Variants in BICD2 observed in about 807,000 individuals in gnomAD.
BICD2 encodes the protein BICD cargo adaptor 2.
A neutral mutation model predicts 72.9 loss-of-function variants in BICD2; 25 were observed. That is an observed-to-expected ratio of 0.34 (90% confidence interval 0.25 to 0.48). The LOEUF is 0.48. BICD2 is among the 20% of genes least tolerant of loss of function. The pLI is 0.99. For missense variants in BICD2, 894 were observed against 1,175.2 expected, an observed-to-expected ratio of 0.76 and a Z score of 3.50; for synonymous variants, 501 against 516.1, an observed-to-expected ratio of 0.97 and a Z score of 0.40.
intron 1 of BICD2, among the ~76,000 whole-genome samples, chr9:92,758,631 A>G (rs1478849185): frequency 6.7e-6 from 1 of 150,374 alleles, no homozygotes; most frequent in East Asian, 2.0e-4. Context: ...CAGGCGGATC[A>G]CCTGAGGTCA....
intron 1 of BICD2, among the ~76,000 whole-genome samples, chr9:92,736,259 A>G (rs1853785696): frequency 6.6e-6 from 1 of 152,266 alleles, no homozygotes; most frequent in African/African-American, 2.4e-5. Flanking sequence ...CAAGATGGCA[A>G]GGAGAGTGAT....
chr9:92,736,536 C>A (rs1027724784), intron 1 of BICD2, among the ~76,000 whole-genome samples: 2 of 152,236 alleles, frequency 1.3e-5, no homozygotes, highest in African/African-American at 4.8e-5. Flanking sequence ...AGCATATAAT[C>A]AAGAAATAAC....
intron 1 of BICD2, among the ~76,000 whole-genome samples, chr9:92,748,951 C>T (rs2131528570): frequency 6.6e-6 from 1 of 152,122 alleles, no homozygotes; most frequent in African/African-American, 2.4e-5. Flanking sequence ...TTCTTCTTTG[C>T]AGCAGGGTGG....
At position 92,721,011 on chromosome 9, in the gene BICD2, C is replaced by T. The variant is rs189686191; in HGVS notation, c.607-256G>A. On this transcript the variant is annotated intron_variant, in intron 3 of 6. Coordinates refer to ENST00000356884, the MANE Select transcript of BICD2 (RefSeq NM_001003800.2). ...AATGAAATGCTCAGCCCAGCCCACC[C>T]ACCGCTGGGACCAGCAGACACAGCA... Among the ~76,000 whole-genome samples the T allele has an allele frequency of 4.7e-4, 72 of 152,330 alleles. No homozygotes were observed. In the East Asian group the frequency reaches 0.013, roughly 28 times the overall value.
At position 92,717,837 on chromosome 9, in the gene BICD2, C is replaced by A. The variant is rs1210812038; in HGVS notation, c.2218G>T (p.Ala740Ser). ...GCACGCAGCGAGGAGAAGGTGGCTG[C>A]GTCCTCCTTGAGGGCCTTGAGCTCA... ...RNELKALKEDAATFSSLRAMF... is the reference protein window; with the variant it reads ...RNELKALKEDSATFSSLRAMF... Residue 740 changes from alanine (A) to serine (S), a missense_variant, in exon 6 of 7, where the codon GCA (alanine) becomes TCA (serine). Coordinates refer to ENST00000356884, the MANE Select transcript of BICD2 (RefSeq NM_001003800.2). The A allele has an allele frequency of 6.2e-7, 1 of 1,612,284 alleles. No individual in the cohort carries two copies. The highest frequency in any genetic ancestry group is 8.5e-7 in the Non-Finnish European group (1 of 1,179,862).
intron 1 of BICD2, among the ~76,000 whole-genome samples, chr9:92,731,376 A>T (rs1446945334): frequency 6.6e-6 from 1 of 151,020 alleles, no homozygotes; most frequent in East Asian, 2.0e-4. Context: ...GGCCCAAAAC[A>T]CTCCTGGGCA....
intron 1 of BICD2, among the ~76,000 whole-genome samples, chr9:92,743,378 A>T (rs74559520): frequency 0.3 from 37,743 of 126,570 alleles, 6,073 homozygotes; most frequent in East Asian, 0.76. Context: ...TTTTTTTTTT[A>T]AGAGATGGGG....
intron 6 of BICD2, among the ~76,000 whole-genome samples, chr9:92,716,116 A>ATCCCAGGGC (rs1017365424): frequency 1.3e-5 from 2 of 151,958 alleles, no homozygotes; most frequent in African/African-American, 2.4e-5. Flanking sequence ...GGCGGGTTAA[A>ATCCCAGGGC]TCCCAGGGCT....
rs1853400904 is a variant in BICD2, at chr9:92,719,187, G to A, written c.1458C>T (p.Ser486=). Residue 486 remains serine, a synonymous_variant, in exon 5 of 7, where the codon TCC becomes TCT. Transcript: ENST00000356884. The part of the protein sequence containing the change: ...AEGQALTEKV[S]LLEKASRQDR... ...CCTGGCGGCTGGCCTTCTCTAGCAGGGAGACCTTCTCCGTGAGTGCCTGGC... is the reference window on the plus strand; with the variant it reads ...CCTGGCGGCTGGCCTTCTCTAGCAGAGAGACCTTCTCCGTGAGTGCCTGGC... The A allele has an allele frequency of 1.2e-6, 2 of 1,610,780 alleles. No homozygotes were observed. Among genetic ancestry groups the A allele is most frequent in the Non-Finnish European group, 8.5e-7 (1 of 1,179,968 alleles).
At chr9:92,750,123 G>A (rs1587687923) in intron 1 of BICD2, among the ~76,000 whole-genome samples, 1 of 152,300 alleles carries the variant, frequency 6.6e-6, no homozygotes, top group South Asian at 2.1e-4. Context: ...CCATCTCCTC[G>A]CAATCCCCAG....
rs1853236345 is a variant in BICD2 at position 92,713,566 on chromosome 9, T to C, written c.*1588A>G. 1 of 1,545,052 alleles carries C rather than the reference T, an allele frequency of 6.5e-7. No individual in the cohort carries two copies. Among genetic ancestry groups the C allele is most frequent in the African/African-American group, 1.4e-5 (1 of 72,990 alleles). Reference sequence around the variant, plus strand: ...TGCTGGGAGGGCGCGAGCACGTTAGTTGGCAGAAGAGAAGACCTGCATGTG... The same window carrying C: ...TGCTGGGAGGGCGCGAGCACGTTAGCTGGCAGAAGAGAAGACCTGCATGTG... On this transcript the variant is annotated 3_prime_UTR_variant, in exon 7 of 7. Transcript: ENST00000356884.
chr9:92,722,045 A>G (rs1238891939), intron 3 of BICD2, among the ~76,000 whole-genome samples: 4 of 152,228 alleles, frequency 2.6e-5, no homozygotes, highest in Admixed American at 1.3e-4. Flanking sequence ...AAAGACTCCC[A>G]TTCCCCACCA....
intron 1 of BICD2, among the ~76,000 whole-genome samples, chr9:92,751,756 G>A (rs1854154480): frequency 6.6e-6 from 1 of 151,878 alleles, no homozygotes; most frequent in Admixed American, 6.6e-5. Context: ...TATACATACA[G>A]GTGTATTTAT....
chr9:92,747,168 C>G (rs554516455), intron 1 of BICD2, among the ~76,000 whole-genome samples: 1 of 152,150 alleles, frequency 6.6e-6, no homozygotes, highest in African/African-American at 2.4e-5. Context: ...CCTGGTGGGT[C>G]CCCAGTAGGC....
chr9:92,751,472 G>C (rs1279537124), intron 1 of BICD2, among the ~76,000 whole-genome samples: 1 of 152,144 alleles, frequency 6.6e-6, no homozygotes, highest in African/African-American at 2.4e-5. Flanking sequence ...GAAATAAGTA[G>C]AGTCTATAAG....
chr9:92,749,143 G>A (rs1445490167), intron 1 of BICD2, among the ~76,000 whole-genome samples: 2 of 152,000 alleles, frequency 1.3e-5, no homozygotes, highest in African/African-American at 4.8e-5. Context: ...AAGACAGGGT[G>A]GGGCCTCTTG....
At chr9:92,757,924 C>A (rs946387585) in intron 1 of BICD2, among the ~76,000 whole-genome samples, 1 of 152,188 alleles carries the variant, frequency 6.6e-6, no homozygotes, top group South Asian at 2.1e-4. Context: ...TGAGTAAAGG[C>A]TGGGCGCGGT....
Position 92,719,094 on chromosome 9 carries a change from C to T in BICD2, c.1551G>A (p.Gln517=), listed in dbSNP as rs773975705. The change falls in exon 5 of 7, where the codon CAG becomes CAA. Residue 517 remains glutamine, a synonymous_variant. Transcript: ENST00000356884. ...CATCCTGGGCCACACTCAGGCTGCC[C>T]TGTGTCTCGCCGGCGACGTCGCTCA... The part of the protein sequence containing the change: ...KKVSDVAGET[Q]GSLSVAQDEL... 2 of 1,613,012 alleles carry T rather than the reference C, an allele frequency of 1.2e-6. No homozygotes were observed. The highest frequency in any genetic ancestry group is 1.7e-4 in the Middle Eastern group (1 of 6,058).
rs905433545 is a variant in BICD2, at chr9:92,718,461, G to T, written c.2106+78C>A. On this transcript the variant is annotated intron_variant, in intron 5 of 6. Transcript: ENST00000356884. ...CAGGCCTGGGGGGGCCCCGTGGCAG[G>T]GGGAGGAAGGAGGCCAAGGGGGAAA... 2.6e-6 allele frequency: 4 copies of T among 1,515,942 alleles called. No homozygotes were observed. In the African/African-American group the frequency reaches 5.5e-5, roughly 21 times the overall value. The allele number at this position is 1,515,942 out of a possible 1,614,324, so 93.9% of individuals were successfully genotyped here. A position where few individuals can be genotyped will look rare whatever the true frequency, so the allele number is the denominator to read the frequency against.
Sources: allele counts gnomAD v4.1 joint callset (sites outside exome capture counted in the v4.1 genomes callset), GRCh38; gene constraint gnomAD v4.1.1; transcripts MANE v1.5; gene names NCBI Gene and HGNC (gene_info 2026-07-23, HGNC 2026-07-21).